The following PCLO variants were observed in gnomAD, a reference collection of about 807,000 sequenced individuals.
The protein encoded by PCLO is protein piccolo.
A neutral mutation model predicts 427.5 loss-of-function variants in PCLO; 82 were observed. That is an observed-to-expected ratio of 0.19 (90% CI 0.16 to 0.23). The LOEUF is 0.23. Among genes scored for constraint, PCLO ranks in the 10% least tolerant of loss-of-function variants. PCLO has a pLI of 1.00. For missense variants in PCLO, 6,239 were observed against 6,115.9 expected, an observed-to-expected ratio of 1.02 and a Z score of -0.67; for synonymous variants, 2,357 against 2,155.4, an observed-to-expected ratio of 1.09 and a Z score of -2.59.
At chr7:83,075,975 A>G (rs1363638391) in intron 3 of PCLO, among the ~76,000 whole-genome samples, 1 of 152,064 alleles carries the variant, frequency 6.6e-6, no homozygotes, top group African/African-American at 2.4e-5. Context: ...CTTGCAGACC[A>G]TTTTAAATAT....
At chr7:83,138,638 C>G (rs1791788349) in intron 2 of PCLO, among the ~76,000 whole-genome samples, 1 of 151,164 alleles carries the variant, frequency 6.6e-6, no homozygotes, top group Non-Finnish European at 1.5e-5. Context: ...GATGACGGAG[C>G]AAGACTGTCT....
intron 3 of PCLO, among the ~76,000 whole-genome samples, chr7:83,120,549 A>G (rs1308820038): frequency 3.3e-5 from 5 of 152,156 alleles, no homozygotes; most frequent in African/African-American, 1.2e-4. Context: ...TTTAAAAATC[A>G]AATTTCTAAA....
chr7:83,025,795 A>G (rs1461210832), intron 3 of PCLO, among the ~76,000 whole-genome samples: 1 of 152,286 alleles, frequency 6.6e-6, no homozygotes, highest in Non-Finnish European at 1.5e-5. Flanking sequence ...GTGGGGGCCA[A>G]TATTCAACAT....
chr7:82,874,126 T>C (rs1986742), intron 10 of PCLO, among the ~76,000 whole-genome samples: 63,581 of 151,968 alleles, frequency 0.42, 14,531 homozygotes, highest in Middle Eastern at 0.51. Context: ...CACACAATCC[T>C]GCGAGGAGTG....
In PCLO at chr7:83,005,337, C is replaced by A. The variant is rs187725375; in HGVS notation, c.3301-38850G>T. The stretch of plus-strand genomic sequence containing the variant: ...GAAACAGGATGAAAAATACTGCATA[C>A]TCTCAATTATATGTGGAATCTAAAG... On this transcript the variant is annotated intron_variant, in intron 3 of 24. Coordinates refer to ENST00000333891, the MANE Select transcript of PCLO (RefSeq NM_033026.6). 2.0e-5 allele frequency among the ~76,000 whole-genome samples: 3 copies of A among 151,592 alleles called. No homozygotes were observed. The East Asian group carries it at 5.8e-4, about 29-fold the overall frequency.
chr7:82,901,991 G>C (rs886603560), intron 9 of PCLO, among the ~76,000 whole-genome samples: 1 of 151,536 alleles, frequency 6.6e-6, no homozygotes, highest in Admixed American at 6.6e-5. Flanking sequence ...CTGTAAACTA[G>C]TTCAACCATT....
rs779695259 is a variant in PCLO at position 82,956,586 on chromosome 7, G to A, written c.4367C>T (p.Ser1456Phe). Residue 1456 changes from serine to phenylalanine, a missense_variant, in exon 5 of 25, where the codon TCT becomes TTT. Physicochemically the swap from Ser to Phe is radical, Grantham distance 155 (BLOSUM62 -2). Transcript: ENST00000333891. ...PKDQEKTQSL[S>F]ETLEITISEE... ...TGAAATAGTAATTTCCAAGGTTTCA[G>A]ATAAACTCTGAGTTTTCTCTTGGTC... 5 of 1,613,184 alleles carry A rather than the reference G, an allele frequency of 3.1e-6. No homozygotes were observed. Among genetic ancestry groups the A allele is most frequent in the Non-Finnish European group, 4.2e-6 (5 of 1,179,682 alleles).
intron 9 of PCLO, among the ~76,000 whole-genome samples, chr7:82,881,396 G>A (rs549079544): frequency 9.9e-5 from 15 of 152,236 alleles, no homozygotes; most frequent in African/African-American, 3.4e-4. Context: ...AAGGATCAGT[G>A]ATGAGAAACT....
rs185877792 is a variant in PCLO, at chr7:82,896,221, A to G, written c.13528+6430T>C. On this transcript the variant is annotated intron_variant, in intron 9 of 24. Coordinates refer to ENST00000333891, the MANE Select transcript of PCLO (RefSeq NM_033026.6). ...ACATATTATACATGTATACTAAAAC[A>G]TGTATGCAAATATTATTTAAAATAT... Among the ~76,000 whole-genome samples, 89 of 151,958 alleles carry G rather than the reference A, an allele frequency of 5.9e-4. 1 individual carries two copies. Among genetic ancestry groups the G allele is most frequent in the African/African-American group, 1.9e-3 (78 of 41,534 alleles).
At chr7:82,973,030 G>A (rs1302443941) in intron 3 of PCLO, among the ~76,000 whole-genome samples, 1 of 151,376 alleles carries the variant, frequency 6.6e-6, no homozygotes, top group Non-Finnish European at 1.5e-5. Flanking sequence ...TTTTTTTTTA[G>A]TTATAAATTC....
Position 82,976,537 on chromosome 7 carries a change from T to A in PCLO, c.3301-10050A>T, listed in dbSNP as rs60217905. ...CTGAGTCAACTTGTTATTCAAGGGA[T>A]GATAATTTTTTACACTTTTATCCAT... On this transcript the variant is annotated intron_variant, in intron 3 of 24. Transcript: ENST00000333891. Among the ~76,000 whole-genome samples the A allele has an allele frequency of 7.6e-3, 1,150 of 152,278 alleles. 10 individuals are homozygous for A. The highest frequency in any genetic ancestry group is 0.026 in the African/African-American group (1,072 of 41,536).
chr7:83,128,157 C>T (rs1205127206), intron 3 of PCLO, among the ~76,000 whole-genome samples: 1 of 151,852 alleles, frequency 6.6e-6, no homozygotes, highest in African/African-American at 2.4e-5. Flanking sequence ...ATATCAATTA[C>T]TATCCAAAAG....
chr7:83,097,000 T>C lies in PCLO; in HGVS notation c.3300+37250A>G, dbSNP rs865957736. On this transcript the variant is annotated intron_variant, in intron 3 of 24. Coordinates refer to ENST00000333891, the MANE Select transcript of PCLO (RefSeq NM_033026.6). ...TATATTATATAAATAATATATATTA[T>C]ATAAATAATATATATTATATATTAT... Among the ~76,000 whole-genome samples the C allele has an allele frequency of 1.6e-3, 55 of 34,750 alleles. 14 individuals carry two copies. Among genetic ancestry groups the C allele is most frequent in the African/African-American group, 6.4e-3 (55 of 8,530 alleles). 22.8% of individuals were successfully genotyped at this position (34,750 alleles called of 152,430 possible). A position where few individuals can be genotyped will look rare whatever the true frequency, so the allele number is the denominator to read the frequency against.
Position 83,115,330 on chromosome 7 carries a change from C to T in PCLO, c.3300+18920G>A, listed in dbSNP as rs1791105115. 2.0e-5 allele frequency among the ~76,000 whole-genome samples: 3 copies of T among 151,824 alleles called. No individual in the cohort carries two copies. The South Asian group carries it at 6.2e-4, about 31-fold the overall frequency. The stretch of plus-strand genomic sequence containing the variant: ...GGCAATATGTTGAAAAAAATCATTC[C>T]ACTTTCAATGTTACAAAATAGCAAG... On this transcript the variant is annotated intron_variant, in intron 3 of 24. Coordinates refer to ENST00000333891, the MANE Select transcript of PCLO (RefSeq NM_033026.6).
At chr7:83,057,518 T>C (rs1391766843) in intron 3 of PCLO, among the ~76,000 whole-genome samples, 1 of 149,486 alleles carries the variant, frequency 6.7e-6, no homozygotes, top group Non-Finnish European at 1.5e-5. Context: ...CCCGCCACCA[T>C]GCCCGGCTAA....
chr7:82,853,381 G>A (rs1792717800), intron 10 of PCLO, among the ~76,000 whole-genome samples: 1 of 152,110 alleles, frequency 6.6e-6, no homozygotes, highest in African/African-American at 2.4e-5. Flanking sequence ...ATGTACATGA[G>A]TTGTGAGTTT....
chr7:82,889,635 G>T (rs1352937840), intron 9 of PCLO, among the ~76,000 whole-genome samples: 1 of 152,046 alleles, frequency 6.6e-6, no homozygotes, highest in African/African-American at 2.4e-5. Context: ...TAAATATATT[G>T]TAAGGGAATA....
intron 3 of PCLO, among the ~76,000 whole-genome samples, chr7:83,083,558 C>T (rs763620): frequency 6.6e-6 from 1 of 151,966 alleles, no homozygotes; most frequent in African/African-American, 2.4e-5. Context: ...ACCTTTACTT[C>T]TGGGTCCTCC....
At position 82,916,123 on chromosome 7, in the gene PCLO, G is replaced by C. The variant is rs776153166; in HGVS notation, c.11863C>G (p.Gln3955Glu). ...TPQPSYQLPS[Q>E]MMVIQQKPRQ... ...GGCTTCTGTTGTATCACCATCATCT[G>C]TGAAGGTAACTGATAAGAAGGCTGT... The change falls in exon 7 of 25, where the codon CAG becomes GAG. Residue 3955 changes from glutamine (Q) to glutamate (E), a missense_variant. By Grantham distance (29) the Gln-to-Glu change is conservative. This residue lies in a region of PCLO where 680 missense variants were observed against 677.3 expected (regional missense o/e 1.00). Coordinates refer to ENST00000333891, the MANE Select transcript of PCLO (RefSeq NM_033026.6). 1 of 1,613,604 alleles carries C rather than the reference G, an allele frequency of 6.2e-7. No individual in the cohort carries two copies. The highest frequency in any genetic ancestry group is 1.1e-5 in the South Asian group (1 of 91,080).
Sources: gnomAD v4.1 joint callset for allele counts (sites outside exome capture counted in the v4.1 genomes callset) on GRCh38, gnomAD v4.1.1 for gene constraint, gnomAD v4.1.1 regional missense constraint, MANE v1.5 for transcripts, NCBI Gene and HGNC (gene_info 2026-07-23, HGNC 2026-07-21) for gene names.